The following LCA5L variants were observed in gnomAD, a reference collection of about 807,000 sequenced individuals.
LCA5L encodes lebercilin-like protein.
Under a neutral mutation model 45.4 loss-of-function variants are expected in LCA5L, and 35 were observed. The ratio of observed to expected loss-of-function variants is 0.77; its 90% CI spans 0.59 to 1.02. LCA5L has a LOEUF of 1.02. Ranked by LOEUF, LCA5L falls within the 50% of genes least tolerant of loss-of-function variation. The pLI is 0.00. For synonymous variants in LCA5L, 233 were observed against 264.7 expected (o/e 0.88, Z 1.16); for missense variants, 668 against 761.6 (o/e 0.88, Z 1.45).
chr21:39,420,680 C>T, intron 7 of LCA5L, 26 bp downstream of exon 7: 1 of 1,589,106 alleles, frequency 6.3e-7, no homozygotes, highest in Middle Eastern at 1.8e-4. Context: ...GGATTTCATT[C>T]TTACATTTTG....
intron 6 of LCA5L, 50 bp from the exon 7 acceptor site, chr21:39,420,893 A>C (rs561989256): frequency 6.9e-7 from 1 of 1,445,958 alleles, no homozygotes; most frequent in East Asian, 2.3e-5. Context: ...TAGTATGTTA[A>C]AAACTTCAAT....
chr21:39,437,296 T>TG (rs1422546451), intron 2 of LCA5L, among the ~76,000 whole-genome samples: 1 of 152,326 alleles, frequency 6.6e-6, no homozygotes, highest in East Asian at 1.9e-4. Context: ...AGATAAGAAA[T>TG]GCCTACTATC....
chr21:39,406,854 A>G, intron 10 of LCA5L: 1 of 418,826 alleles, frequency 2.4e-6, no homozygotes, highest in Admixed American at 4.1e-5. Context: ...GAAAAATGAC[A>G]TTCATAGAAG....
chr21:39,440,756 C>G (rs2076756779), intron 2 of LCA5L, among the ~76,000 whole-genome samples: 1 of 152,184 alleles, frequency 6.6e-6, no homozygotes, highest in East Asian at 1.9e-4. Context: ...CTTTCTGCCA[C>G]AAGCACAGCC....
rs2041488876 is a variant in LCA5L at position 39,417,769 on chromosome 21, T to G, written c.975+2937A>C. 1.3e-5 allele frequency among the ~76,000 whole-genome samples: 2 copies of G among 151,948 alleles called. 1 individual carries two copies. Among genetic ancestry groups the G allele is most frequent in the South Asian group, 4.1e-4 (2 of 4,828 alleles). On this transcript the variant is annotated intron_variant, in intron 7 of 10. Transcript: ENST00000288350. Reference sequence around the variant, plus strand: ...TTATTTATTTATTTAATTTTTTAATTTTTAATTTTTTTTTGAGATGGAGTC... The same window carrying G: ...TTATTTATTTATTTAATTTTTTAATGTTTAATTTTTTTTTGAGATGGAGTC...
At position 39,406,523 on chromosome 21, in the gene LCA5L, T is replaced by C. The variant is rs959907382; in HGVS notation, c.1372A>G (p.Lys458Glu). ...TGCTCTTCTTTCACAAAAATGTTTT[T>C]CTTTTCTTGGTCTTCTTTTTTGTCT... ...QKDKKEDQEK[K>E]NIFVKEEQEL... Residue 458 changes from lysine (K) to glutamate (E), a missense_variant, in exon 11 of 11, where the codon AAA becomes GAA. Lys to Glu is a moderately conservative substitution (Grantham distance 56). Transcript: ENST00000288350. 1 of 1,613,316 alleles carries C rather than the reference T, an allele frequency of 6.2e-7. No individual in the cohort carries two copies. The highest frequency in any genetic ancestry group is 8.5e-7 in the Non-Finnish European group (1 of 1,179,786).
chr21:39,409,271 T>G lies in LCA5L; in HGVS notation c.1282+708A>C, dbSNP rs1257797765. The stretch of plus-strand genomic sequence containing the variant: ...AGGGCCTTAACTGAAGCCAAATGCC[T>G]AGAACCTTGATCTCGGACTTCCTAG... On this transcript the variant is annotated intron_variant, in intron 10 of 10. Coordinates refer to ENST00000288350, the MANE Select transcript of LCA5L (RefSeq NM_152505.4). The surrounding 1 kb of genome is among the most constrained non-coding windows in gnomAD (Gnocchi z 4.2). Among the ~76,000 whole-genome samples, 1 of 152,128 alleles carries G rather than the reference T, an allele frequency of 6.6e-6. No individual in the cohort carries two copies. The highest frequency in any genetic ancestry group is 1.5e-5 in the Non-Finnish European group (1 of 68,006).
At chr21:39,414,742 C>CTGTGTGTGTGTGTGTGTGTGTGTG (rs66478742) in intron 7 of LCA5L, among the ~76,000 whole-genome samples, 2 of 99,178 alleles carry the variant, frequency 2.0e-5, no homozygotes, top group African/African-American at 8.8e-5. Flanking sequence ...CTCTCTCTCT[C>CTGTGTGTGTGTGTGTGTGTGTGTG]TGTGTGTGTG....
chr21:39,428,685 T>C (rs2075297714), intron 4 of LCA5L, among the ~76,000 whole-genome samples, 182 bp from the exon 5 acceptor site: 1 of 145,316 alleles, frequency 6.9e-6, no homozygotes, highest in African/African-American at 2.5e-5. Flanking sequence ...TGGCCATGGC[T>C]TTCTGCAGCC....
intron 2 of LCA5L, among the ~76,000 whole-genome samples, chr21:39,441,138 G>A (rs1165549178): frequency 6.6e-6 from 1 of 151,986 alleles, no homozygotes; most frequent in Non-Finnish European, 1.5e-5. Context: ...GAGTTTGAGA[G>A]CAGCCTGGGC....
At chr21:39,419,951 T>G (rs2042005895) in intron 7 of LCA5L, among the ~76,000 whole-genome samples, 1 of 152,214 alleles carries the variant, frequency 6.6e-6, no homozygotes, top group Non-Finnish European at 1.5e-5. Flanking sequence ...AACACATTTT[T>G]AAGTAAAACT....
chr21:39,419,915 A>G (rs1338036037), intron 7 of LCA5L, among the ~76,000 whole-genome samples: 1 of 152,232 alleles, frequency 6.6e-6, no homozygotes, highest in African/African-American at 2.4e-5. Context: ...TTAAAGCAGT[A>G]TACATATTTT....
Position 39,423,594 on chromosome 21 carries a change from A to G in LCA5L, c.323-104T>C, listed in dbSNP as rs532571729. The G allele has an allele frequency of 4.9e-5, 45 of 913,192 alleles. No individual in the cohort carries two copies. The African/African-American group carries it at 6.7e-4, about 14-fold the overall frequency. 56.6% of individuals were successfully genotyped at this position (913,192 alleles called of 1,614,324 possible). On this transcript the variant is annotated intron_variant, in intron 5 of 10. Coordinates refer to ENST00000288350, the MANE Select transcript of LCA5L (RefSeq NM_152505.4). ...CCATGCCCCCATGCACACACACCACACACATACACACAAGCGTAAGTGTAA... is the reference window on the plus strand; with the variant it reads ...CCATGCCCCCATGCACACACACCACGCACATACACACAAGCGTAAGTGTAA...
At chr21:39,440,542 A>G (rs892772190) in intron 2 of LCA5L, among the ~76,000 whole-genome samples, 1 of 152,202 alleles carries the variant, frequency 6.6e-6, no homozygotes, top group Non-Finnish European at 1.5e-5. Context: ...TCTCAAAAAA[A>G]AACAAAACAA....
At chr21:39,420,876 A>G in intron 6 of LCA5L, 33 bp from the exon 7 acceptor site, 1 of 1,555,038 alleles carries the variant, frequency 6.4e-7, no homozygotes, top group Non-Finnish European at 8.8e-7. Context: ...CTATTCTGCA[A>G]CCAAGTTAGT....
At position 39,406,156 on chromosome 21, in the gene LCA5L, T is replaced by A; in HGVS notation, c.1739A>T (p.Lys580Met). The change falls in exon 11 of 11, where the codon AAG (lysine) becomes ATG (methionine). Residue 580 changes from lysine to methionine, a missense_variant. Lys to Met is a moderately conservative substitution (Grantham distance 95). Coordinates refer to ENST00000288350, the MANE Select transcript of LCA5L (RefSeq NM_152505.4). ...SDSGYEPSFG[K>M]SSRIKVKDTT... is the part of the protein sequence containing the mutation. ...ATCCTTCACTTTTATTCTGGAAGAC[T>A]TACCAAATGAGGGCTCATACCCACT... The A allele has an allele frequency of 6.2e-7, 1 of 1,614,272 alleles. No individual in the cohort carries two copies. The highest frequency in any genetic ancestry group is 8.5e-7 in the Non-Finnish European group (1 of 1,180,056).
chr21:39,420,699 G>T lies in LCA5L; in HGVS notation c.975+7C>A. On this transcript the variant is annotated splice_region_variant and intron_variant, in intron 7 of 10. Coordinates refer to ENST00000288350, the MANE Select transcript of LCA5L (RefSeq NM_152505.4). ...TTCATTCTTACATTTTGTTTTAAAA[G>T]AAATACCTTAAGTTTTTGTTGAAGG... is the stretch of plus-strand genomic sequence containing the variant. 2 of 1,606,166 alleles carry T rather than the reference G, an allele frequency of 1.2e-6. No individual in the cohort carries two copies. The highest frequency in any genetic ancestry group is 2.2e-5 in the South Asian group (2 of 90,640).
intron 5 of LCA5L, among the ~76,000 whole-genome samples, chr21:39,426,363 T>C (rs983797982): frequency 1.3e-5 from 2 of 152,222 alleles, no homozygotes; most frequent in African/African-American, 2.4e-5. Context: ...AATTTCTCTC[T>C]TGTAGAAAGT....
At chr21:39,412,313 CG>C (rs771931249) in intron 7 of LCA5L, among the ~76,000 whole-genome samples, 9 of 151,932 alleles carry the variant, frequency 5.9e-5, no homozygotes, top group African/African-American at 1.2e-4. Flanking sequence ...AGACAAGGGC[CG>C]GGGGGGAAGC....
Sources: gnomAD v4.1 joint callset for allele counts (sites outside exome capture counted in the v4.1 genomes callset) on GRCh38, gnomAD v4.1.1 for gene constraint, Gnocchi (gnomAD v3.1) non-coding constraint, MANE v1.5 for transcripts, NCBI Gene and HGNC (gene_info 2026-07-23, HGNC 2026-07-21) for gene names.